Variants in SRGAP2B observed in about 807,000 individuals in gnomAD.
SRGAP2B encodes SLIT-ROBO Rho GTPase-activating protein 2B.
SRGAP2B carries 9 observed loss-of-function variants against 22.2 expected under a neutral mutation model. The ratio of observed to expected loss-of-function variants is 0.41; its 90% confidence interval spans 0.24 to 0.71. SRGAP2B has a LOEUF of 0.71. Among genes scored for constraint, SRGAP2B ranks in the 30% least tolerant of loss-of-function variants. The probability of loss-of-function intolerance (pLI) is 0.35; values close to 1 mark genes in which losing one functional copy is unlikely to be tolerated. For synonymous variants in SRGAP2B, 36 were observed against 87.4 expected (o/e 0.41, Z 3.28); for missense variants, 114 against 235.8 (o/e 0.48, Z 3.38).
intron 3 of SRGAP2B, among the ~76,000 whole-genome samples, chr1:144,956,698 T>C (rs1667293709): frequency 6.7e-6 from 1 of 150,238 alleles, no homozygotes; most frequent in Admixed American, 6.6e-5. Context: ...TCCACCCACC[T>C]TGGCCTCCCA....
At chr1:145,025,940 C>A (rs1379653563) in intron 2 of SRGAP2B, among the ~76,000 whole-genome samples, 2 of 148,424 alleles carry the variant, frequency 1.3e-5, no homozygotes, top group African/African-American at 2.5e-5. Flanking sequence ...TACAACACGC[C>A]TTGGGGAGGG....
chr1:145,073,071 C>T (rs1464804857), intron 2 of SRGAP2B, among the ~76,000 whole-genome samples: 1 of 150,170 alleles, frequency 6.7e-6, no homozygotes, highest in African/African-American at 2.5e-5. Context: ...TTTAGCTGTG[C>T]TCTTTCCCTA....
At chr1:144,971,205 A>G (rs1186254142) in intron 3 of SRGAP2B, among the ~76,000 whole-genome samples, 1 of 145,290 alleles carries the variant, frequency 6.9e-6, no homozygotes, top group African/African-American at 2.7e-5. Flanking sequence ...ATCTCGGCTC[A>G]CCGCAACCTC....
chr1:144,950,997 G>T, intron 4 of SRGAP2B, among the ~76,000 whole-genome samples: 1 of 149,000 alleles, frequency 6.7e-6, no homozygotes, highest in East Asian at 2.0e-4. Context: ...TACAGGCACT[G>T]GCCATCTTGC....
intron 1 of SRGAP2B, 194 bp downstream of exon 1, chr1:145,095,029 A>G: frequency 6.5e-7 from 1 of 1,528,094 alleles, no homozygotes; most frequent in Non-Finnish European, 8.8e-7. Context: ...AGTCCTGAGA[A>G]GTATTATGGG....
At chr1:145,023,082 T>C (rs1223441893) in intron 2 of SRGAP2B, among the ~76,000 whole-genome samples, 2 of 149,216 alleles carry the variant, frequency 1.3e-5, no homozygotes, top group Non-Finnish European at 3.0e-5. Flanking sequence ...GGAGAATCAC[T>C]TGAACCCGGG....
intron 3 of SRGAP2B, among the ~76,000 whole-genome samples, chr1:144,959,173 G>A (rs1412438611): frequency 6.7e-6 from 1 of 150,160 alleles, no homozygotes; most frequent in African/African-American, 2.5e-5. Flanking sequence ...CCTAGGCTGG[G>A]TTCATGTGAG....
intron 2 of SRGAP2B, among the ~76,000 whole-genome samples, chr1:145,006,813 T>C (rs1180744750): frequency 6.6e-6 from 1 of 150,768 alleles, no homozygotes; most frequent in Non-Finnish European, 1.5e-5. Context: ...TAGGCTCCTA[T>C]TGAGTCACTA....
At chr1:145,010,639 T>G (rs1375796246) in intron 2 of SRGAP2B, among the ~76,000 whole-genome samples, 2 of 150,198 alleles carry the variant, frequency 1.3e-5, no homozygotes, top group Admixed American at 6.6e-5. Context: ...GCAGTTATTT[T>G]TATTTTTATA....
chr1:145,020,504 A>G (rs1553623877), intron 2 of SRGAP2B, among the ~76,000 whole-genome samples: 1 of 146,998 alleles, frequency 6.8e-6, no homozygotes, highest in Non-Finnish European at 1.5e-5. Context: ...CCTCACAACT[A>G]CCCAGCATTC....
chr1:145,013,492 T>A (rs1368730871), intron 2 of SRGAP2B, among the ~76,000 whole-genome samples: 1 of 149,650 alleles, frequency 6.7e-6, no homozygotes, highest in Non-Finnish European at 1.5e-5. Flanking sequence ...ATAATCTGCA[T>A]CTTCTGCTCT....
At chr1:144,911,656 C>A (rs1324743833) in intron 5 of SRGAP2B, among the ~76,000 whole-genome samples, 1 of 146,508 alleles carries the variant, frequency 6.8e-6, no homozygotes, top group African/African-American at 2.6e-5. Context: ...CTTGCTCTGT[C>A]CCCCAGGCTG....
chr1:144,967,180 G>C (rs1422758292), intron 3 of SRGAP2B, among the ~76,000 whole-genome samples: 1 of 109,842 alleles, frequency 9.1e-6, no homozygotes, highest in Non-Finnish European at 1.8e-5. Context: ...CAAATCAACA[G>C]AATATACATT....
Position 144,921,052 on chromosome 1 carries a change from A to C in SRGAP2B, c.424-6298T>G, listed in dbSNP as rs1169787314. Among the ~76,000 whole-genome samples, 45 of 148,864 alleles carry C rather than the reference A, an allele frequency of 3.0e-4. 1 individual carries two copies. Among genetic ancestry groups the C allele is most frequent in the African/African-American group, 9.0e-4 (35 of 38,832 alleles). ...ACTTGTGGTCTGAATGCAAAACAGA[A>C]AGTTTAAAAGTTTACAACCTGTTGA... On this transcript the variant is annotated intron_variant, in intron 4 of 9. Coordinates refer to ENST00000612199, the Ensembl canonical transcript of SRGAP2B.
chr1:144,965,069 T>C, intron 3 of SRGAP2B: 1 of 1,200,598 alleles, frequency 8.3e-7, no homozygotes, highest in Non-Finnish European at 1.2e-6. Context: ...AGATAACAGC[T>C]GTTGACAAGA....
chr1:144,995,947 A>T lies in SRGAP2B; in HGVS notation c.68-747T>A, dbSNP rs587731750. Among the ~76,000 whole-genome samples, 1,167 of 150,594 alleles carry T rather than the reference A, an allele frequency of 7.7e-3. 62 individuals are homozygous for T. The highest frequency in any genetic ancestry group is 0.022 in the African/African-American group (880 of 40,214). ...AAAGAGATTTTTTTCACTAACAAATATCACTCATATCTGTGTTGCTTAATC... is the reference window on the plus strand; with the variant it reads ...AAAGAGATTTTTTTCACTAACAAATTTCACTCATATCTGTGTTGCTTAATC... On this transcript the variant is annotated intron_variant, in intron 2 of 9. Coordinates refer to ENST00000612199, the Ensembl canonical transcript of SRGAP2B.
rs1242455734 is a variant in SRGAP2B, at chr1:144,898,547, C to T, written c.832-1210G>A. ...CTATTGCTTAAGCAGCTCTGAGGTC[C>T]GGGTCCTAAGAAGAAACCTCAAAGA... On this transcript the variant is annotated intron_variant, in intron 7 of 9. Transcript: ENST00000612199. Among the ~76,000 whole-genome samples the T allele has an allele frequency of 1.3e-4, 20 of 149,744 alleles. 1 individual carries two copies. In the South Asian group the frequency reaches 2.3e-3, roughly 17 times the overall value.
chr1:145,017,219 C>T (rs1423080893), intron 2 of SRGAP2B, among the ~76,000 whole-genome samples: 6 of 148,036 alleles, frequency 4.1e-5, no homozygotes, highest in Admixed American at 1.3e-4. Flanking sequence ...CATGAGCCAC[C>T]GCACCCAGTC....
chr1:144,957,969 G>T (rs1553610646), intron 3 of SRGAP2B, among the ~76,000 whole-genome samples: 1 of 149,748 alleles, frequency 6.7e-6, no homozygotes, highest in Non-Finnish European at 1.5e-5. Context: ...TTTCCCTATA[G>T]CACTTTACAT....
Sources: allele counts gnomAD v4.1 joint callset (sites outside exome capture counted in the v4.1 genomes callset), GRCh38; gene constraint gnomAD v4.1.1; transcripts MANE v1.5; gene names NCBI Gene and HGNC (gene_info 2026-07-23, HGNC 2026-07-21).